Variants in MTO1 observed in about 807,000 individuals in gnomAD.
The protein encoded by MTO1 is 5-taurinomethyluridine-[tRNA] synthase subunit MTO1, mitochondrial.
Under a neutral mutation model 71.6 loss-of-function variants are expected in MTO1, and 46 were observed. The ratio of observed to expected loss-of-function variants is 0.64; its 90% CI spans 0.51 to 0.82. MTO1 has a LOEUF of 0.82. Among genes scored for constraint, MTO1 ranks in the 40% least tolerant of loss-of-function variants. MTO1 has a pLI of 0.00. For synonymous variants in MTO1, 297 were observed against 312.1 expected (o/e 0.95, Z 0.51); for missense variants, 773 against 867.5 (o/e 0.89, Z 1.37).
intron 9 of MTO1, among the ~76,000 whole-genome samples, chr6:73,483,034 C>T (rs558061754): frequency 9.2e-5 from 14 of 151,970 alleles, no homozygotes; most frequent in African/African-American, 3.4e-4. Flanking sequence ...TCTCGTGATC[C>T]GCCCGCCTCG....
At chr6:73,462,761 C>T (rs1770864399) in intron 1 of MTO1, among the ~76,000 whole-genome samples, 1 of 152,014 alleles carries the variant, frequency 6.6e-6, no homozygotes, top group African/African-American at 2.4e-5. Context: ...ATAAAAAAAT[C>T]CTTTATTAAA....
intron 10 of MTO1, among the ~76,000 whole-genome samples, chr6:73,492,995 T>TGTGTGTGTGTA (rs540252865): frequency 2.3e-3 from 169 of 73,304 alleles, no homozygotes; most frequent in South Asian, 0.018. Context: ...TGTGTGTGTA[T>TGTGTGTGTGTA]TTTTTTTTTT....
At chr6:73,479,461 C>T (rs1464890888) in intron 4 of MTO1, among the ~76,000 whole-genome samples, 1 of 152,000 alleles carries the variant, frequency 6.6e-6, no homozygotes, top group Non-Finnish European at 1.5e-5. Context: ...CGCTACTGCC[C>T]TCCAGCCTGG....
chr6:73,493,971 G>A (rs768178631), intron 10 of MTO1, among the ~76,000 whole-genome samples: 13 of 151,812 alleles, frequency 8.6e-5, no homozygotes, highest in African/African-American at 1.2e-4. Context: ...AGTGGCTCAC[G>A]CCTGTAATCC....
chr6:73,471,246 C>G (rs1202038452), intron 3 of MTO1, among the ~76,000 whole-genome samples: 2 of 149,980 alleles, frequency 1.3e-5, no homozygotes, highest in Admixed American at 1.3e-4. Flanking sequence ...CGATGGTTAC[C>G]TTAAAAGCTA....
Position 73,502,936 on chromosome 6 carries a change from G to A in MTO1, c.*2201G>A, listed in dbSNP as rs1278868484. 3 of 151,900 alleles carry A rather than the reference G, an allele frequency of 2.0e-5. No individual in the cohort carries two copies. Among genetic ancestry groups the A allele is most frequent in the African/African-American group, 7.3e-5 (3 of 41,366 alleles). The allele number at this position is 151,900 out of a possible 1,614,324, so 9.4% of individuals were successfully genotyped here. A position where few individuals can be genotyped will look rare whatever the true frequency, so the allele number is the denominator to read the frequency against. The stretch of plus-strand genomic sequence containing the variant: ...AACAGGAAGTTCAAATATTTTGGGA[G>A]GTTCTTGACAGCTACAATTTGGGGC... On this transcript the variant is annotated 3_prime_UTR_variant, in exon 12 of 12. Coordinates refer to ENST00000498286, the MANE Select transcript of MTO1 (RefSeq NM_012123.4).
In MTO1 at chr6:73,462,033, C is replaced by G; in HGVS notation, c.179C>G (p.Ser60Cys). The G allele has an allele frequency of 6.2e-7, 1 of 1,614,030 alleles. No homozygotes were observed. ...EAATAAARCG[S>C]RTLLLTHRVD... Reference sequence around the variant, plus strand: ...GCCACCGCCGCCGCTCGGTGCGGCTCTCGGACTCTGCTCCTCACTCACCGC... The same window carrying G: ...GCCACCGCCGCCGCTCGGTGCGGCTGTCGGACTCTGCTCCTCACTCACCGC... Residue 60 changes from serine to cysteine, a missense_variant, in exon 1 of 12, where the codon TCT becomes TGT. Ser to Cys is a moderately radical substitution (Grantham distance 112). Transcript: ENST00000498286.
At chr6:73,499,616 T>G (rs925754737) in intron 11 of MTO1, among the ~76,000 whole-genome samples, 1 of 152,162 alleles carries the variant, frequency 6.6e-6, no homozygotes, top group Non-Finnish European at 1.5e-5. Context: ...CACATATGAC[T>G]AGTGGCTACC....
chr6:73,474,929 A>G (rs1771268176), intron 4 of MTO1, among the ~76,000 whole-genome samples: 2 of 147,952 alleles, frequency 1.4e-5, no homozygotes, highest in Admixed American at 1.3e-4. Flanking sequence ...TAATTTTTGT[A>G]TTTTTAATAG....
chr6:73,497,991 T>C, intron 11 of MTO1, 95 bp downstream of exon 11: 2 of 1,096,452 alleles, frequency 1.8e-6, no homozygotes, highest in Non-Finnish European at 2.5e-6. Flanking sequence ...ATATAACTAA[T>C]GTTTTATTTA....
chr6:73,480,573 A>ATGCCC, intron 6 of MTO1, 102 bp from the exon 7 acceptor site: 1 of 1,439,534 alleles, frequency 6.9e-7, no homozygotes, highest in Non-Finnish European at 9.6e-7. Flanking sequence ...CCTGACCTAA[A>ATGCCC]TAGTCTGTTT....
At chr6:73,471,270 A>G (rs1271844145) in intron 3 of MTO1, among the ~76,000 whole-genome samples, 1 of 150,806 alleles carries the variant, frequency 6.6e-6, no homozygotes, top group African/African-American at 2.4e-5. Flanking sequence ...TTTTATATAT[A>G]ATATAATATG....
rs1192543242 is a variant in MTO1 at position 73,497,850 on chromosome 6, T to C, written c.1871T>C (p.Leu624Ser). The C allele has an allele frequency of 6.2e-7, 1 of 1,613,624 alleles. No individual in the cohort carries two copies. Among genetic ancestry groups the C allele is most frequent in the Non-Finnish European group, 8.5e-7 (1 of 1,179,710 alleles). Reference protein sequence around the residue: ...LDYLTIRDVSLSHEVREKLHF... With the variant: ...LDYLTIRDVSSSHEVREKLHF... Reference sequence around the variant, plus strand: ...TATTTGACTATCAGGGATGTGTCTTTGTCCCATGAAGTTCGAGAGAAACTA... The same window carrying C: ...TATTTGACTATCAGGGATGTGTCTTCGTCCCATGAAGTTCGAGAGAAACTA... The change falls in exon 11 of 12, where the codon TTG becomes TCG. Residue 624 changes from leucine to serine, a missense_variant. By Grantham distance (145) the Leu-to-Ser change is moderately radical. Transcript: ENST00000498286.
In MTO1 at chr6:73,482,432, C is replaced by CGAAAGAGA; in HGVS notation, c.1466-17_1466-16insGAAAGAGA. 1 of 1,601,480 alleles carries CGAAAGAGA rather than the reference C, an allele frequency of 6.2e-7. No homozygotes were observed. The highest frequency in any genetic ancestry group is 8.5e-7 in the Non-Finnish European group (1 of 1,175,658). ...AAAACCACACTTCTCATTATATTCT[C>CGAAAGAGA]TTTCTCCCTTCCCTAGGGTATAAAG... On this transcript the variant is annotated splice_polypyrimidine_tract_variant and intron_variant, in intron 8 of 11. Coordinates refer to ENST00000498286, the MANE Select transcript of MTO1 (RefSeq NM_012123.4).
chr6:73,499,521 C>CAAAAA (rs200492522), intron 11 of MTO1, among the ~76,000 whole-genome samples: 1 of 108,856 alleles, frequency 9.2e-6, no homozygotes, highest in East Asian at 2.5e-4. Flanking sequence ...AACCCTGTCT[C>CAAAAA]AAAAAAAAAA....
At position 73,479,953 on chromosome 6, in the gene MTO1, A is replaced by T; in HGVS notation, c.956A>T (p.Glu319Val). The change falls in exon 6 of 12, where the codon GAA (glutamate) becomes GTA (valine). Residue 319 changes from glutamate (E) to valine (V), a missense_variant. Glu to Val is a moderately radical substitution (Grantham distance 121). Coordinates refer to ENST00000498286, the MANE Select transcript of MTO1 (RefSeq NM_012123.4). Reference sequence around the variant, plus strand: ...TATTCTAGATACTGTCCCTCCATTGAATCAAAAGTTTTGCGTTTTCCAAAC... The same window carrying T: ...TATTCTAGATACTGTCCCTCCATTGTATCAAAAGTTTTGCGTTTTCCAAAC... ...TRGPRYCPSIESKVLRFPNRL... is the reference protein window; with the variant it reads ...TRGPRYCPSIVSKVLRFPNRL... 1.2e-6 allele frequency: 2 copies of T among 1,612,690 alleles called. No individual in the cohort carries two copies. The highest frequency in any genetic ancestry group is 1.7e-4 in the Middle Eastern group (1 of 6,054).
In MTO1 at chr6:73,479,806, C is replaced by T; in HGVS notation, c.900C>T (p.His300=). ...ATGAGATTGTCCTTAAGAACCTTCA[C>T]CTTAATAGTCATGTTAAAGAAACGA... is the stretch of plus-strand genomic sequence containing the variant. ...RVDEIVLKNL[H]LNSHVKETTR... The change falls in exon 5 of 12, where the codon CAC becomes CAT. Residue 300 remains histidine, a synonymous_variant. Coordinates refer to ENST00000498286, the MANE Select transcript of MTO1 (RefSeq NM_012123.4). The T allele has an allele frequency of 6.2e-7, 1 of 1,613,950 alleles. No homozygotes were observed. The highest frequency in any genetic ancestry group is 8.5e-7 in the Non-Finnish European group (1 of 1,179,896).
chr6:73,484,289 A>G (rs2150038505), intron 9 of MTO1, among the ~76,000 whole-genome samples: 2 of 152,262 alleles, frequency 1.3e-5, no homozygotes, highest in Middle Eastern at 3.4e-3. Context: ...CTTAGACTGG[A>G]TAATTTATAA....
At chr6:73,494,954 A>AT (rs547552476) in intron 10 of MTO1, among the ~76,000 whole-genome samples, 65 of 146,124 alleles carry the variant, frequency 4.4e-4, no homozygotes, top group African/African-American at 1.6e-3. Context: ...TAATTTTTGT[A>AT]TTTTTTTTAG....
Sources: allele counts gnomAD v4.1 joint callset (sites outside exome capture counted in the v4.1 genomes callset), GRCh38; gene constraint gnomAD v4.1.1; transcripts MANE v1.5; gene names NCBI Gene and HGNC (gene_info 2026-07-23, HGNC 2026-07-21).